MMEL1: variants seen among roughly 807,000 people sequenced by gnomAD.
MMEL1 encodes membrane metallo-endopeptidase-like 1.
MMEL1 carries 98 observed loss-of-function variants against 117.1 expected under a neutral mutation model. The ratio of observed to expected loss-of-function variants is 0.84; its 90% CI spans 0.71 to 0.99. MMEL1 has a LOEUF of 0.99. MMEL1 is among the 50% of genes least tolerant of loss of function. The pLI is 0.00. For missense variants in MMEL1, 1,014 were observed against 1,049.1 expected (o/e 0.97, Z 0.46); for synonymous variants, 390 against 415.1 (o/e 0.94, Z 0.74).
At chr1:2,598,006 C>A (rs1344118122) in intron 13 of MMEL1, among the ~76,000 whole-genome samples, 5 of 152,238 alleles carry the variant, frequency 3.3e-5, no homozygotes, top group African/African-American at 1.2e-4. Flanking sequence ...CCCGCCACAT[C>A]ATACTCTGCG....
At chr1:2,621,987 TC>T (rs1227400795) in intron 2 of MMEL1, among the ~76,000 whole-genome samples, 1 of 152,194 alleles carries the variant, frequency 6.6e-6, no homozygotes, top group Non-Finnish European at 1.5e-5. Flanking sequence ...CATTGGTCAC[TC>T]GTATTTGGCT....
At chr1:2,605,865 G>A (rs949445046) in intron 8 of MMEL1, among the ~76,000 whole-genome samples, 5 of 152,094 alleles carry the variant, frequency 3.3e-5, no homozygotes, top group African/African-American at 4.8e-5. Context: ...AGGCTGTCCC[G>A]GGCCTCGCAG....
rs188776616 is a variant in MMEL1, at chr1:2,599,726, C to T, written c.1042-936G>A. Reference sequence around the variant, plus strand: ...TGCAAAAATTAGCTGGGTGTGGTGGCGCATGCTGTAGTCCCAGCTACTTGG... The same window carrying T: ...TGCAAAAATTAGCTGGGTGTGGTGGTGCATGCTGTAGTCCCAGCTACTTGG... On this transcript the variant is annotated intron_variant, in intron 11 of 23. Transcript: ENST00000378412. Among the ~76,000 whole-genome samples the T allele has an allele frequency of 1.6e-4, 24 of 152,088 alleles. 1 individual carries two copies. Among genetic ancestry groups the T allele is most frequent in the Non-Finnish European group, 2.2e-4 (15 of 67,986 alleles).
At chr1:2,591,513 G>A in intron 23 of MMEL1, 44 bp downstream of exon 23, 4 of 1,504,296 alleles carry the variant, frequency 2.7e-6, no homozygotes, top group Non-Finnish European at 3.7e-6. Context: ...GTGGGGGTGA[G>A]GGGGTTGTGG....
In MMEL1 at chr1:2,606,959, C is replaced by A; in HGVS notation, c.631+15G>T. 2 of 1,609,268 alleles carry A rather than the reference C, an allele frequency of 1.2e-6. No individual in the cohort carries two copies. The highest frequency in any genetic ancestry group is 1.7e-6 in the Non-Finnish European group (2 of 1,178,370). On this transcript the variant is annotated intron_variant, in intron 7 of 23. Transcript: ENST00000378412. ...CTTTGTCTGTCTGTGAGGCTGCTGC[C>A]AGGCCCGGCCTTACCTACGGTCTCG...
In MMEL1 at chr1:2,602,767, C is replaced by T. The variant is rs777880411; in HGVS notation, c.1041+1117G>A. 1.8e-4 allele frequency among the ~76,000 whole-genome samples: 27 copies of T among 152,208 alleles called. 1 individual carries two copies. Among genetic ancestry groups the T allele is most frequent in the Admixed American group, 3.3e-4 (5 of 15,278 alleles). On this transcript the variant is annotated intron_variant, in intron 11 of 23. Coordinates refer to ENST00000378412, the MANE Select transcript of MMEL1 (RefSeq NM_033467.4). ...GCTCATTAGCTGGGAGTCCCTGCCC[C>T]AGACTCTTGGGGAACTGCTGTGTGA...
At chr1:2,623,191 A>T (rs1645317219) in intron 2 of MMEL1, among the ~76,000 whole-genome samples, 1 of 152,090 alleles carries the variant, frequency 6.6e-6, no homozygotes, top group African/African-American at 2.4e-5. Flanking sequence ...CAAGTTCTTA[A>T]CGGCAATAAC....
chr1:2,610,371 C>G (rs941158436), intron 4 of MMEL1, among the ~76,000 whole-genome samples: 3 of 152,282 alleles, frequency 2.0e-5, no homozygotes. Flanking sequence ...AACCCCAAAC[C>G]CTCCGAGACT....
chr1:2,605,425 C>G (rs1034171814), intron 9 of MMEL1, 133 bp downstream of exon 9: 1 of 773,178 alleles, frequency 1.3e-6, no homozygotes, highest in African/African-American at 1.7e-5. Flanking sequence ...CCCTCAGTGC[C>G]GGGCTCAACC....
At chr1:2,628,358 G>A (rs879627471) in intron 2 of MMEL1, among the ~76,000 whole-genome samples, 9 of 152,242 alleles carry the variant, frequency 5.9e-5, no homozygotes, top group Admixed American at 1.3e-4. Context: ...CTCCCGCAGG[G>A]GTGGAGGGAT....
chr1:2,615,637 A>G (rs899247623), intron 2 of MMEL1, among the ~76,000 whole-genome samples: 14 of 152,218 alleles, frequency 9.2e-5, no homozygotes, highest in African/African-American at 3.1e-4. Flanking sequence ...TTGGTTCACT[A>G]CTTGTGGCAA....
intron 11 of MMEL1, among the ~76,000 whole-genome samples, chr1:2,602,210 G>A (rs1021627014): frequency 2.0e-5 from 3 of 152,160 alleles, no homozygotes; most frequent in Non-Finnish European, 2.9e-5. Flanking sequence ...CAGGGAAGGA[G>A]GCAGGCACAG....
intron 2 of MMEL1, among the ~76,000 whole-genome samples, chr1:2,620,534 G>T (rs1179120229): frequency 6.6e-6 from 1 of 152,134 alleles, no homozygotes; most frequent in Non-Finnish European, 1.5e-5. Flanking sequence ...GACTGACTTT[G>T]TGGTTTGAAG....
At chr1:2,623,034 T>C (rs1280335300) in intron 2 of MMEL1, among the ~76,000 whole-genome samples, 1 of 151,966 alleles carries the variant, frequency 6.6e-6, no homozygotes, top group Non-Finnish European at 1.5e-5. Flanking sequence ...CTGGGTGTGA[T>C]GGCACGCACC....
intron 2 of MMEL1, among the ~76,000 whole-genome samples, chr1:2,627,881 C>G (rs572867769): frequency 2.6e-5 from 4 of 152,254 alleles, no homozygotes; most frequent in Admixed American, 6.5e-5. Flanking sequence ...GTCCAGGGCC[C>G]GTTTCCACAC....
chr1:2,600,753 T>C (rs1024937027), intron 11 of MMEL1, among the ~76,000 whole-genome samples: 1 of 152,182 alleles, frequency 6.6e-6, no homozygotes, highest in African/African-American at 2.4e-5. Flanking sequence ...TTTTGTTTAT[T>C]CTACAAATAA....
chr1:2,616,201 G>T (rs1472895396), intron 2 of MMEL1, among the ~76,000 whole-genome samples: 1 of 151,994 alleles, frequency 6.6e-6, no homozygotes, highest in Admixed American at 6.6e-5. Context: ...AATTAGCTGG[G>T]CATGATGGTG....
intron 7 of MMEL1, 103 bp from the exon 8 acceptor site, chr1:2,606,469 T>A: frequency 1.2e-6 from 1 of 813,794 alleles, no homozygotes; most frequent in Non-Finnish European, 2.0e-6. Context: ...TAGGGGGCCA[T>A]AGGGTGGGGA....
intron 19 of MMEL1, among the ~76,000 whole-genome samples, chr1:2,593,305 C>T (rs922004680): frequency 2.0e-5 from 3 of 152,186 alleles, no homozygotes; most frequent in Admixed American, 2.0e-4. Flanking sequence ...GAGAGGAGTA[C>T]GTGGTCCCTG....
Sources: allele counts gnomAD v4.1 joint callset (sites outside exome capture counted in the v4.1 genomes callset), GRCh38; gene constraint gnomAD v4.1.1; transcripts MANE v1.5; gene names NCBI Gene and HGNC (gene_info 2026-07-23, HGNC 2026-07-21).